Variants in PPP1R13B observed in about 807,000 individuals in gnomAD.
PPP1R13B encodes protein phosphatase 1 regulatory subunit 13B, also known as apoptosis-stimulating of p53 protein 1.
PPP1R13B carries 44 observed loss-of-function variants against 119.8 expected under a neutral mutation model. That is an observed-to-expected ratio of 0.37 (90% CI 0.29 to 0.47). PPP1R13B has a LOEUF of 0.47. PPP1R13B is among the 20% of genes least tolerant of loss of function. The probability of loss-of-function intolerance (pLI) is 0.99; values close to 1 mark genes in which losing one functional copy is unlikely to be tolerated. For synonymous variants in PPP1R13B, 542 were observed against 561.5 expected, an observed-to-expected ratio of 0.97 and a Z score of 0.49; for missense variants, 1,227 against 1,413.5, an observed-to-expected ratio of 0.87 and a Z score of 2.12.
rs146232155 is a variant in PPP1R13B, at chr14:103,813,157, C to A, written c.10-15639G>T. 5.4e-3 allele frequency among the ~76,000 whole-genome samples: 819 copies of A among 152,208 alleles called. 11 individuals carry two copies. Among genetic ancestry groups the A allele is most frequent in the African/African-American group, 0.019 (778 of 41,520 alleles). On this transcript the variant is annotated intron_variant, in intron 1 of 16. Transcript: ENST00000202556. ...CAAAACTTGGAAGCAACCAAGATGT[C>A]CTTCAGTAGATGAATGGATAAACAA...
intron 4 of PPP1R13B, among the ~76,000 whole-genome samples, chr14:103,770,311 C>T (rs546689286): frequency 2.6e-5 from 4 of 152,162 alleles, no homozygotes; most frequent in South Asian, 4.2e-4. Context: ...CTCAGGAGTT[C>T]GAGACCAGCC....
chr14:103,769,010 A>C (rs545550068), intron 4 of PPP1R13B, among the ~76,000 whole-genome samples: 2 of 152,258 alleles, frequency 1.3e-5, no homozygotes, highest in Non-Finnish European at 2.9e-5. Context: ...ATTTAAAAAG[A>C]CTATAAATAT....
intron 9 of PPP1R13B, among the ~76,000 whole-genome samples, chr14:103,743,569 G>A (rs1595712976): frequency 6.6e-6 from 1 of 152,204 alleles, no homozygotes; most frequent in Non-Finnish European, 1.5e-5. Context: ...CTCTTTTACA[G>A]GAACAGGTGC....
At chr14:103,807,790 G>A (rs1431263697) in intron 1 of PPP1R13B, among the ~76,000 whole-genome samples, 1 of 152,006 alleles carries the variant, frequency 6.6e-6, no homozygotes, top group African/African-American at 2.4e-5. Context: ...CACCACACCT[G>A]GCCACGAAAT....
Position 103,754,157 on chromosome 14 carries a change from G to C in PPP1R13B, c.544C>G (p.Arg182Gly), listed in dbSNP as rs1395040748. 3 of 1,613,972 alleles carry C rather than the reference G, an allele frequency of 1.9e-6. No homozygotes were observed. The Admixed American group carries it at 5.0e-5, about 27-fold the overall frequency. Residue 182 changes from arginine to glycine, a missense_variant, in exon 6 of 17, where the codon CGA becomes GGA. Arg to Gly is a moderately radical substitution (Grantham distance 125). Coordinates refer to ENST00000202556, the MANE Select transcript of PPP1R13B (RefSeq NM_015316.3). The stretch of plus-strand genomic sequence containing the variant: ...AGCTTGTTCTCCTGGGCTTCAACTC[G>C]TTCTTTCAATTTCTGAAGCTTTTCA... ...ENEKLQKLKE[R>G]VEAQENKLKK...
chr14:103,846,989 C>G (rs1595857637), intron 1 of PPP1R13B: 1 of 1,183,396 alleles, frequency 8.5e-7, no homozygotes, highest in Non-Finnish European at 1.1e-6. Flanking sequence ...GACCTGTGCC[C>G]CAGCGTCCGA....
At position 103,734,670 on chromosome 14, in the gene PPP1R13B, T is replaced by C; in HGVS notation, c.*484A>G. On this transcript the variant is annotated 3_prime_UTR_variant, in exon 17 of 17. Coordinates refer to ENST00000202556, the MANE Select transcript of PPP1R13B (RefSeq NM_015316.3). The stretch of plus-strand genomic sequence containing the variant: ...TGTTTCCATACAGAGGCTCCTTTGG[T>C]GATGAAGGGAAGAAGGATCATGTGT... 2.2e-6 allele frequency: 1 copy of C among 456,604 alleles called. No individual in the cohort carries two copies. Among genetic ancestry groups the C allele is most frequent in the South Asian group, 1.5e-5 (1 of 64,550 alleles). The allele number at this position is 456,604 out of a possible 1,614,324, so 28.3% of individuals were successfully genotyped here.
chr14:103,822,813 GA>G (rs2086442878), intron 1 of PPP1R13B, among the ~76,000 whole-genome samples: 1 of 149,594 alleles, frequency 6.7e-6, no homozygotes, highest in Non-Finnish European at 1.5e-5. Context: ...ACTCCATCTC[GA>G]GAAAAAAAAA....
chr14:103,744,198 C>T (rs1221175819), intron 9 of PPP1R13B, among the ~76,000 whole-genome samples: 2 of 152,150 alleles, frequency 1.3e-5, no homozygotes, highest in Non-Finnish European at 2.9e-5. Flanking sequence ...ATAGTGGGGA[C>T]TAAAAAGCAA....
intron 1 of PPP1R13B, among the ~76,000 whole-genome samples, chr14:103,837,484 T>C (rs2086804699): frequency 6.6e-6 from 1 of 152,014 alleles, no homozygotes; most frequent in South Asian, 2.1e-4. Context: ...AAATCTGTTA[T>C]CCTCAATTCC....
At chr14:103,821,489 C>T (rs566377803) in intron 1 of PPP1R13B, among the ~76,000 whole-genome samples, 3 of 152,310 alleles carry the variant, frequency 2.0e-5, no homozygotes, top group South Asian at 2.1e-4. Context: ...CAGTGGCTCA[C>T]GCCTATAATC....
At chr14:103,833,327 A>G (rs2086700816) in intron 1 of PPP1R13B, among the ~76,000 whole-genome samples, 6 of 152,052 alleles carry the variant, frequency 3.9e-5, no homozygotes, top group Admixed American at 3.9e-4. Flanking sequence ...ATGCTGATTC[A>G]GACCTCAACA....
At chr14:103,779,100 C>G (rs983219179) in intron 3 of PPP1R13B, among the ~76,000 whole-genome samples, 28 of 151,998 alleles carry the variant, frequency 1.8e-4, no homozygotes, top group African/African-American at 5.6e-4. Context: ...CCAGCCTCAG[C>G]AACATGGGGA....
Position 103,811,681 on chromosome 14 carries a change from G to A in PPP1R13B, c.10-14163C>T, listed in dbSNP as rs184082096. Among the ~76,000 whole-genome samples the A allele has an allele frequency of 2.2e-4, 33 of 152,032 alleles. No homozygotes were observed. In the East Asian group the frequency reaches 5.4e-3, roughly 25 times the overall value. On this transcript the variant is annotated intron_variant, in intron 1 of 16. Coordinates refer to ENST00000202556, the MANE Select transcript of PPP1R13B (RefSeq NM_015316.3). Reference sequence around the variant, plus strand: ...CCAGCCTGGGCACAAGAGTGAGACCGTCACTAAATAAATAAATACATAAAG... The same window carrying A: ...CCAGCCTGGGCACAAGAGTGAGACCATCACTAAATAAATAAATACATAAAG...
At chr14:103,790,493 G>C (rs993466265) in intron 2 of PPP1R13B, among the ~76,000 whole-genome samples, 1 of 151,848 alleles carries the variant, frequency 6.6e-6, no homozygotes, top group African/African-American at 2.4e-5. Flanking sequence ...CTACAAAAGA[G>C]GCCCAAGACA....
chr14:103,843,483 C>T (rs1440671642), intron 1 of PPP1R13B, among the ~76,000 whole-genome samples: 3 of 152,098 alleles, frequency 2.0e-5, no homozygotes, highest in Non-Finnish European at 4.4e-5. Context: ...CTTGTAAATG[C>T]TTTCAGGGCC....
At chr14:103,808,122 A>G (rs2086061753) in intron 1 of PPP1R13B, among the ~76,000 whole-genome samples, 2 of 152,036 alleles carry the variant, frequency 1.3e-5, no homozygotes, top group South Asian at 4.2e-4. Context: ...GCACCTGCCT[A>G]TAATCCCAGC....
chr14:103,816,457 C>T (rs563348146), intron 1 of PPP1R13B, among the ~76,000 whole-genome samples: 32 of 148,464 alleles, frequency 2.2e-4, no homozygotes, highest in Middle Eastern at 3.4e-3. Flanking sequence ...GAGGCCAAGG[C>T]GGGCGGATCA....
intron 2 of PPP1R13B, among the ~76,000 whole-genome samples, chr14:103,792,202 A>G (rs3035519): frequency 0.43 from 24,042 of 55,620 alleles, 3,389 homozygotes; most frequent in African/African-American, 0.56. Flanking sequence ...GTGTGTGTGT[A>G]TATTTTTTTA....
Sources: allele counts gnomAD v4.1 joint callset (sites outside exome capture counted in the v4.1 genomes callset), GRCh38; gene constraint gnomAD v4.1.1; transcripts MANE v1.5; gene names NCBI Gene and HGNC (gene_info 2026-07-23, HGNC 2026-07-21).